Variants in DDX55 observed in about 807,000 individuals in gnomAD.
DDX55 encodes the protein DEAD-box helicase 55, also known as ATP-dependent RNA helicase DDX55.
A neutral mutation model predicts 69.2 loss-of-function variants in DDX55; 56 were observed. That is an observed-to-expected ratio of 0.81 (90% CI 0.65 to 1.01). DDX55 has a LOEUF of 1.01. DDX55 is among the 50% of genes least tolerant of loss of function. The probability of loss-of-function intolerance (pLI) is 0.00; values close to 1 mark genes in which losing one functional copy is unlikely to be tolerated. For missense variants in DDX55, 720 were observed against 745.1 expected (o/e 0.97, Z 0.39); for synonymous variants, 268 against 273.1 (o/e 0.98, Z 0.18).
rs10604586 is a variant in DDX55 at position 123,616,155 on chromosome 12, GTCT to G, written c.957-351_957-349del. Among the ~76,000 whole-genome samples, 740 of 152,262 alleles carry G rather than the reference GTCT, an allele frequency of 4.9e-3. 3 individuals are homozygous for G. The highest frequency in any genetic ancestry group is 0.016 in the African/African-American group (679 of 41,540). On this transcript the variant is annotated intron_variant, in intron 9 of 13. Transcript: ENST00000238146. The stretch of plus-strand genomic sequence containing the variant: ...CATTGAACATCTGACTATATTAAAA[GTCT>G]TCTTTTGGACAAAGTGATATACCTG...
Position 123,610,946 on chromosome 12 carries a change from G to A in DDX55, c.741+818G>A, listed in dbSNP as rs1190008451. 3.3e-5 allele frequency among the ~76,000 whole-genome samples: 5 copies of A among 150,116 alleles called. No homozygotes were observed. The East Asian group carries it at 9.8e-4, about 29-fold the overall frequency. On this transcript the variant is annotated intron_variant, in intron 7 of 13. Coordinates refer to ENST00000238146, the MANE Select transcript of DDX55 (RefSeq NM_020936.3). Reference sequence around the variant, plus strand: ...GACGGGGTCTCACCCTGTCACCCAGGCTGGAGTGCAATGGCACGATCTCGG... The same window carrying A: ...GACGGGGTCTCACCCTGTCACCCAGACTGGAGTGCAATGGCACGATCTCGG...
chr12:123,609,940 A>G lies in DDX55; in HGVS notation c.553A>G (p.Ile185Val). 6.2e-7 allele frequency: 1 copy of G among 1,613,106 alleles called. No individual in the cohort carries two copies. Among genetic ancestry groups the G allele is most frequent in the Non-Finnish European group, 8.5e-7 (1 of 1,179,724 alleles). Residue 185 changes from isoleucine to valine, a missense_variant and splice_region_variant, in exon 7 of 14, where the codon ATC becomes GTC. By Grantham distance (29) the Ile-to-Val change is conservative. Transcript: ENST00000238146. ...AAGTGTGAGCCCTCTTTTTATCAGC[A>G]TCAACACCATTCTGGAGTTTTTGCC... ...RLLDMGFEAS[I>V]NTILEFLPKQ... is the part of the protein sequence containing the mutation.
Position 123,613,306 on chromosome 12 carries a change from G to T in DDX55, c.824+54G>T, listed in dbSNP as rs1355494649. ...ATCAGGGATTCAGCCAGAATGTGCA[G>T]GTGCATGCGGCCTTTGGGTTTTGGA... On this transcript the variant is annotated intron_variant, in intron 8 of 13. Coordinates refer to ENST00000238146, the MANE Select transcript of DDX55 (RefSeq NM_020936.3). The T allele has an allele frequency of 1.3e-5, 20 of 1,561,120 alleles. No homozygotes were observed. In the South Asian group the frequency reaches 1.8e-4, roughly 14 times the overall value.
At chr12:123,616,366 GA>G (rs1255345151) in intron 9 of DDX55, 144 bp from the exon 10 acceptor site, 4 of 688,026 alleles carry the variant, frequency 5.8e-6, no homozygotes, top group Non-Finnish European at 7.3e-6. Flanking sequence ...GTAGAAAGAA[GA>G]AAAAATCAAA....
At chr12:123,614,228 AG>A (rs910091672) in intron 8 of DDX55, among the ~76,000 whole-genome samples, 2 of 152,224 alleles carry the variant, frequency 1.3e-5, no homozygotes, top group African/African-American at 4.8e-5. Flanking sequence ...AATTGATTTC[AG>A]AACCCACCAG....
intron 1 of DDX55, among the ~76,000 whole-genome samples, chr12:123,602,648 A>G (rs781675321): frequency 6.6e-5 from 10 of 152,168 alleles, no homozygotes; most frequent in Non-Finnish European, 1.2e-4. Flanking sequence ...ACACTATGGG[A>G]GCTCAGTAAG....
In DDX55 at chr12:123,607,662, G is replaced by C. The variant is rs1953975253; in HGVS notation, c.401G>C (p.Gly134Ala). 1 of 1,613,980 alleles carries C rather than the reference G, an allele frequency of 6.2e-7. No individual in the cohort carries two copies. Among genetic ancestry groups the C allele is most frequent in the Non-Finnish European group, 8.5e-7 (1 of 1,180,044 alleles). The change falls in exon 5 of 14, where the codon GGT (glycine) becomes GCT (alanine). Residue 134 changes from glycine (G) to alanine (A), a missense_variant and splice_region_variant. Transcript: ENST00000238146. ...GATGTTGAGAGGTTTAAGCAACAAG[G>C]GTGAGTTTGCTCGTGTCTGCTTGTT... is the stretch of plus-strand genomic sequence containing the variant. ...GEDVERFKQQGGNIIVATPGR... is the reference protein window; with the variant it reads ...GEDVERFKQQAGNIIVATPGR...
chr12:123,609,864 G>A, intron 6 of DDX55, 75 bp from the exon 7 acceptor site: 3 of 1,517,088 alleles, frequency 2.0e-6, no homozygotes, highest in South Asian at 2.6e-5. Flanking sequence ...TTGAATACCT[G>A]TTTAGTATCG....
At chr12:123,603,141 C>A (rs1230969097) in intron 1 of DDX55, among the ~76,000 whole-genome samples, 1 of 152,042 alleles carries the variant, frequency 6.6e-6, no homozygotes, top group Non-Finnish European at 1.5e-5. Context: ...TAGTGGGAAG[C>A]CATCTTATCT....
At chr12:123,619,282 C>T (rs915942328) in intron 12 of DDX55, 150 bp from the exon 13 acceptor site, 80 of 1,266,342 alleles carry the variant, frequency 6.3e-5, no homozygotes, top group Admixed American at 6.4e-5. Flanking sequence ...GGATTACAGG[C>T]GTGAGCCACT....
rs369047368 is a variant in DDX55, at chr12:123,620,174, G to A, written c.*34G>A. On this transcript the variant is annotated 3_prime_UTR_variant, in exon 14 of 14. Coordinates refer to ENST00000238146, the MANE Select transcript of DDX55 (RefSeq NM_020936.3). The stretch of plus-strand genomic sequence containing the variant: ...CCACAGATGAACCCACAAGGACATA[G>A]CTGTTCCCTAACTTGGTGGATGGCT... The A allele has an allele frequency of 4.4e-5, 70 of 1,574,392 alleles. No individual in the cohort carries two copies. Among genetic ancestry groups the A allele is most frequent in the Middle Eastern group, 3.4e-4 (2 of 5,856 alleles).
intron 3 of DDX55, among the ~76,000 whole-genome samples, 178 bp from the exon 4 acceptor site, chr12:123,607,254 A>G (rs1418605312): frequency 6.6e-6 from 1 of 152,242 alleles, no homozygotes; most frequent in Non-Finnish European, 1.5e-5. Context: ...GCAGTATATG[A>G]TGACGAGTAA....
At position 123,617,791 on chromosome 12, in the gene DDX55, C is replaced by T; in HGVS notation, c.1083C>T (p.Arg361=). 2 of 1,613,604 alleles carry T rather than the reference C, an allele frequency of 1.2e-6. No individual in the cohort carries two copies. Among genetic ancestry groups the T allele is most frequent in the South Asian group, 1.1e-5 (1 of 91,026 alleles). ...TGCATCGCTGCGGTCGCACAGCTCG[C>T]ATTGGCCACGGGGGCAGCGCTCTGG... ...AFVHRCGRTA[R]IGHGGSALVF... The change falls in exon 11 of 14, where the codon CGC becomes CGT. Residue 361 remains arginine, a synonymous_variant. Transcript: ENST00000238146.
chr12:123,608,989 C>T (rs1171740402), intron 6 of DDX55, among the ~76,000 whole-genome samples, 160 bp downstream of exon 6: 3 of 152,044 alleles, frequency 2.0e-5, no homozygotes, highest in Non-Finnish European at 4.4e-5. Flanking sequence ...GGGTCTTGTG[C>T]TGTCACCCAG....
intron 1 of DDX55, among the ~76,000 whole-genome samples, chr12:123,603,802 G>A (rs906006737): frequency 5.9e-5 from 9 of 151,582 alleles, no homozygotes; most frequent in Non-Finnish European, 1.0e-4. Context: ...TTGTTTGTTT[G>A]TTTGTTTTTA....
intron 10 of DDX55, among the ~76,000 whole-genome samples, chr12:123,617,322 G>A (rs751786995): frequency 1.2e-4 from 18 of 152,182 alleles, no homozygotes; most frequent in Non-Finnish European, 2.2e-4. Context: ...CACCACATGT[G>A]AAAATTACAA....
At chr12:123,611,161 A>C (rs1954212909) in intron 7 of DDX55, among the ~76,000 whole-genome samples, 1 of 152,162 alleles carries the variant, frequency 6.6e-6, no homozygotes, top group Non-Finnish European at 1.5e-5. Context: ...AGCCTCCCAA[A>C]GTGCTGGGAT....
intron 9 of DDX55, among the ~76,000 whole-genome samples, chr12:123,616,073 T>C (rs1284203553): frequency 6.6e-6 from 1 of 152,226 alleles, no homozygotes; most frequent in African/African-American, 2.4e-5. Context: ...TGTCTACCAA[T>C]GACCATAACT....
intron 1 of DDX55, chr12:123,605,687 G>C (rs1330302006): frequency 1.6e-6 from 1 of 613,516 alleles, no homozygotes; most frequent in African/African-American, 1.8e-5. Context: ...GAGGAAAGTA[G>C]GAGCGACAGG....
Sources: allele counts gnomAD v4.1 joint callset (sites outside exome capture counted in the v4.1 genomes callset), GRCh38; gene constraint gnomAD v4.1.1; transcripts MANE v1.5; gene names NCBI Gene and HGNC (gene_info 2026-07-23, HGNC 2026-07-21).